Variants in CALN1 observed in about 807,000 individuals in gnomAD.
CALN1 encodes the protein calneuron 1.
A neutral mutation model predicts 30.6 loss-of-function variants in CALN1; 17 were observed. The observed-to-expected ratio is 0.56, with a 90% CI of 0.38 to 0.83. CALN1 has a LOEUF of 0.83. Ranked by LOEUF, CALN1 falls within the 40% of genes least tolerant of loss-of-function variation. CALN1 has a pLI of 0.00. For synonymous variants in CALN1, 156 were observed against 131.4 expected (o/e 1.19, Z -1.28); for missense variants, 291 against 354.9 (o/e 0.82, Z 1.45).
chr7:72,291,173 T>A (rs373074896), intron 2 of CALN1, among the ~76,000 whole-genome samples: 16 of 152,314 alleles, frequency 1.1e-4, no homozygotes, highest in East Asian at 9.6e-4. Flanking sequence ...TCTGCCCACC[T>A]TAGCATCCCA....
chr7:71,935,427 T>C (rs1006672522), intron 5 of CALN1, among the ~76,000 whole-genome samples: 1 of 152,138 alleles, frequency 6.6e-6, no homozygotes, highest in African/African-American at 2.4e-5. Flanking sequence ...GGTAGATGGA[T>C]TCATTAAAAG....
chr7:72,044,181 T>C (rs1338667160), intron 4 of CALN1, among the ~76,000 whole-genome samples: 1 of 152,126 alleles, frequency 6.6e-6, no homozygotes, highest in African/African-American at 2.4e-5. Flanking sequence ...AGTGCTGCTA[T>C]TGCCCCCTCT....
intron 1 of CALN1, among the ~76,000 whole-genome samples, chr7:72,445,545 G>A (rs1044133705): frequency 6.6e-6 from 1 of 152,246 alleles, no homozygotes; most frequent in Middle Eastern, 3.4e-3. Flanking sequence ...CTCTCCCGGG[G>A]TTACTTCTTT....
upstream of CALN1, among the ~76,000 whole-genome samples, chr7:72,416,543 T>G (rs992404021): frequency 8.5e-5 from 13 of 152,064 alleles, no homozygotes; most frequent in African/African-American, 3.1e-4. Context: ...AAGACCAGCC[T>G]GGCCAACATG....
intron 3 of CALN1, among the ~76,000 whole-genome samples, chr7:72,202,582 T>C (rs1011622558): frequency 2.0e-5 from 3 of 152,192 alleles, no homozygotes; most frequent in Non-Finnish European, 4.4e-5. Flanking sequence ...TCCTCTGTGA[T>C]AGAAAGTTCA....
chr7:71,847,679 CA>C (rs1212307088), intron 5 of CALN1, among the ~76,000 whole-genome samples: 282 of 68,624 alleles, frequency 4.1e-3, no homozygotes, highest in African/African-American at 5.9e-3. Context: ...GAGACTCTGT[CA>C]AAAAAAAAAA....
chr7:72,217,497 G>A (rs993522562), intron 3 of CALN1, among the ~76,000 whole-genome samples: 1 of 152,196 alleles, frequency 6.6e-6, no homozygotes, highest in Non-Finnish European at 1.5e-5. Flanking sequence ...AAAGAGCAAA[G>A]TGTGGGAGAG....
intron 3 of CALN1, among the ~76,000 whole-genome samples, chr7:72,159,599 ACCCGCCTGG>A (rs1024024264): frequency 5.3e-5 from 8 of 151,926 alleles, no homozygotes; most frequent in African/African-American, 1.9e-4. Context: ...GGAGTTTGAG[ACCCGCCTGG>A]CCAACATGGT....
the CALN1 span, among the ~76,000 whole-genome samples, chr7:72,501,510 GGAAGTAAA>G: frequency 6.8e-6 from 1 of 146,214 alleles, no homozygotes; most frequent in African/African-American, 2.5e-5. Flanking sequence ...ATGGAAGGAA[GGAAGTAAA>G]GAAGGAAAGA....
intron 2 of CALN1, among the ~76,000 whole-genome samples, chr7:72,377,092 C>G (rs981817304): frequency 6.6e-6 from 1 of 152,106 alleles, no homozygotes; most frequent in African/African-American, 2.4e-5. Context: ...ACTACTGTAG[C>G]CTTGTAGTAA....
chr7:72,329,476 C>T lies in CALN1; in HGVS notation c.120-50666G>A, dbSNP rs548300916. ...AGGGTGACCCTATATGAGCTAGCCCCCATCTCTCTGAACTCATCTCCTGCC... is the reference window on the plus strand; with the variant it reads ...AGGGTGACCCTATATGAGCTAGCCCTCATCTCTCTGAACTCATCTCCTGCC... On this transcript the variant is annotated intron_variant, in intron 2 of 6. Transcript: ENST00000395275. Among the ~76,000 whole-genome samples, 8 of 152,322 alleles carry T rather than the reference C, an allele frequency of 5.3e-5. No homozygotes were observed. In the South Asian group the frequency reaches 1.7e-3, roughly 32 times the overall value.
rs1031364064 is a variant in CALN1 at position 72,114,404 on chromosome 7, G to C, written c.245-8110C>G. On this transcript the variant is annotated intron_variant, in intron 3 of 6. Coordinates refer to ENST00000395275, the MANE Select transcript of CALN1 (RefSeq NM_031468.4). ...GAGGGAAGTGAGGTTTGGCCACACT[G>C]AGGATAGGTGTCTGAGTGATACCCT... Among the ~76,000 whole-genome samples, 3 of 151,280 alleles carry C rather than the reference G, an allele frequency of 2.0e-5. No homozygotes were observed. In the East Asian group the frequency reaches 6.1e-4, roughly 31 times the overall value.
chr7:72,453,993 A>AATATATATATATATATATATATATATAT, the CALN1 span, among the ~76,000 whole-genome samples: 2 of 148,138 alleles, frequency 1.4e-5, no homozygotes, highest in African/African-American at 5.0e-5. Context: ...ACAACCAAAA[A>AATATATATATATATATATATATATATAT]ATATATATAT....
At chr7:72,146,973 T>C (rs1228256327) in intron 3 of CALN1, among the ~76,000 whole-genome samples, 3 of 152,154 alleles carry the variant, frequency 2.0e-5, no homozygotes, top group Non-Finnish European at 2.9e-5. Context: ...TAATTGAAGA[T>C]GGATTAAAGA....
chr7:72,083,978 G>A (rs1805321337), intron 4 of CALN1, among the ~76,000 whole-genome samples: 1 of 151,944 alleles, frequency 6.6e-6, no homozygotes, highest in African/African-American at 2.4e-5. Flanking sequence ...AGAGACCAAG[G>A]TGGGTGGATC....
chr7:72,375,537 C>T (rs1353810170), intron 2 of CALN1, among the ~76,000 whole-genome samples: 2 of 149,544 alleles, frequency 1.3e-5, no homozygotes, highest in Non-Finnish European at 3.0e-5. Context: ...CTGTACTCCA[C>T]CCTGGCAAAA....
At chr7:71,800,434 G>A (rs972174099) in intron 6 of CALN1, among the ~76,000 whole-genome samples, 5 of 152,104 alleles carry the variant, frequency 3.3e-5, no homozygotes, top group African/African-American at 7.2e-5. Flanking sequence ...GAGCAGCTCT[G>A]TCTTGTCTTT....
At chr7:71,815,025 G>T (rs895004458) in intron 5 of CALN1, among the ~76,000 whole-genome samples, 2 of 152,112 alleles carry the variant, frequency 1.3e-5, no homozygotes, top group Admixed American at 1.3e-4. Flanking sequence ...AGTAGAGACG[G>T]AGTTTCACCG....
At chr7:72,328,789 G>C (rs1276840212) in intron 2 of CALN1, among the ~76,000 whole-genome samples, 1 of 152,182 alleles carries the variant, frequency 6.6e-6, no homozygotes, top group East Asian at 1.9e-4. Flanking sequence ...TCCGCCTCCT[G>C]GGTTCAAGCA....
Sources: gnomAD v4.1 joint callset for allele counts (sites outside exome capture counted in the v4.1 genomes callset) on GRCh38, gnomAD v4.1.1 for gene constraint, MANE v1.5 for transcripts, NCBI Gene and HGNC (gene_info 2026-07-23, HGNC 2026-07-21) for gene names.